CLK2: variants seen among roughly 807,000 people sequenced by gnomAD.
CLK2 encodes dual specificity protein kinase CLK2.
Under a neutral mutation model 73.5 loss-of-function variants are expected in CLK2, and 12 were observed. The observed-to-expected ratio is 0.16, with a 90% CI of 0.10 to 0.26. CLK2 has a LOEUF of 0.26. CLK2 is among the 10% of genes least tolerant of loss of function. The pLI, the probability that CLK2 is intolerant of heterozygous loss-of-function variation, is 1.00. For synonymous variants in CLK2, 232 were observed against 237.9 expected, an observed-to-expected ratio of 0.98 and a Z score of 0.23; for missense variants, 509 against 688.4, an observed-to-expected ratio of 0.74 and a Z score of 2.92.
At chr1:155,267,717 T>C (rs1377730542) in intron 6 of CLK2, among the ~76,000 whole-genome samples, 1 of 152,234 alleles carries the variant, frequency 6.6e-6, no homozygotes, top group African/African-American at 2.4e-5. Flanking sequence ...TTCGATGAGG[T>C]TGATGCTCAG....
Position 155,268,339 on chromosome 1 carries a change from C to G in CLK2, c.508G>C (p.Gly170Arg). Residue 170 changes from glycine to arginine, a missense_variant, in exon 5 of 13, where the codon GGA becomes CGA. Physicochemically the swap from Gly to Arg is moderately radical, Grantham distance 125 (BLOSUM62 -2). This residue lies in a region of CLK2 where 76 missense variants were observed against 126.4 expected (regional missense o/e 0.60). Coordinates refer to ENST00000368361, the MANE Select transcript of CLK2 (RefSeq NM_001294338.2). This position sits in a 1 kb window ranked among gnomAD's most constrained non-coding sequence, Gnocchi z 5.6. ...ACAACTCGGCCGAAGGTCCCCTCTC[C>G]TAAGGTGCTAACGATTTCATCTGAA... ...QERYEIVSTL[G>R]EGTFGRVVQC... The G allele has an allele frequency of 6.2e-7, 1 of 1,614,112 alleles. No individual in the cohort carries two copies. Among genetic ancestry groups the G allele is most frequent in the Non-Finnish European group, 8.5e-7 (1 of 1,180,002 alleles).
chr1:155,262,879 T>G lies in CLK2; in HGVS notation c.*339A>C, dbSNP rs1159255900. On this transcript the variant is annotated 3_prime_UTR_variant, in exon 13 of 13. Transcript: ENST00000368361. ...TCCAACTCCAGGGATGGGGGTCAAA[T>G]GAAGCACGTTATTTTATTTCACAAA... The G allele has an allele frequency of 4.4e-6, 1 of 226,670 alleles. No homozygotes were observed. The highest frequency in any genetic ancestry group is 8.6e-6 in the Non-Finnish European group (1 of 116,798). 14.0% of individuals were successfully genotyped at this position (226,670 alleles called of 1,614,324 possible). A position where few individuals can be genotyped will look rare whatever the true frequency, so the allele number is the denominator to read the frequency against.
intron 1 of CLK2, among the ~76,000 whole-genome samples, chr1:155,272,359 C>G (rs1673553861): frequency 6.6e-6 from 1 of 152,162 alleles, no homozygotes; most frequent in East Asian, 1.9e-4. Context: ...TAGCTGACAG[C>G]TGGCCACCTT....
chr1:155,272,259 G>T (rs1473839437), intron 1 of CLK2, among the ~76,000 whole-genome samples: 2 of 151,950 alleles, frequency 1.3e-5, no homozygotes, highest in Non-Finnish European at 2.9e-5. Flanking sequence ...CAGGTGATCC[G>T]CCCGCCTTGG....
chr1:155,269,720 T>C lies in CLK2; in HGVS notation c.171-4A>G. 3 of 1,613,518 alleles carry C rather than the reference T, an allele frequency of 1.9e-6. No homozygotes were observed. In the South Asian group the frequency reaches 3.3e-5, roughly 18 times the overall value. Reference sequence around the variant, plus strand: ...GGACGAACGATCATCATAACTGCTGTTGGATAACAAATACCAATGAGGTGT... The same window carrying C: ...GGACGAACGATCATCATAACTGCTGCTGGATAACAAATACCAATGAGGTGT... On this transcript the variant is annotated splice_region_variant and splice_polypyrimidine_tract_variant and intron_variant, in intron 2 of 12. Transcript: ENST00000368361.
chr1:155,268,119 C>A lies in CLK2; in HGVS notation c.562G>T (p.Ala188Ser), dbSNP rs770993954. The A allele has an allele frequency of 4.3e-6, 7 of 1,613,876 alleles. 1 individual carries two copies. The South Asian group carries it at 7.7e-5, about 18-fold the overall frequency. ...TTAATGATCTTCAGGGCAACTCGAG[C>A]CCCACCCCTGTAAGTTGGCAGGAGA... ...VQCVDHRRGGARVALKIIKNV... is the reference protein window; with the variant it reads ...VQCVDHRRGGSRVALKIIKNV... Residue 188 changes from alanine to serine, a missense_variant, in exon 6 of 13, where the codon GCT becomes TCT. This residue lies in a region of CLK2 where 76 missense variants were observed against 126.4 expected (regional missense o/e 0.60). Coordinates refer to ENST00000368361, the MANE Select transcript of CLK2 (RefSeq NM_001294338.2). This position sits in a 1 kb window ranked among gnomAD's most constrained non-coding sequence, Gnocchi z 5.6.
At chr1:155,263,453 C>T (rs1572010480) in intron 12 of CLK2, 53 bp from the exon 13 acceptor site, 2 of 1,602,754 alleles carry the variant, frequency 1.2e-6, no homozygotes, top group East Asian at 4.5e-5. Flanking sequence ...CAAACCCTGC[C>T]TTCTTCAAGA....
chr1:155,269,261 G>C, intron 3 of CLK2: 1 of 601,744 alleles, frequency 1.7e-6, no homozygotes, highest in Non-Finnish European at 3.0e-6. Context: ...AGCCCAACAT[G>C]CCAGGGAGAG....
chr1:155,270,203 C>CAA (rs35358437), intron 2 of CLK2, among the ~76,000 whole-genome samples: 8 of 111,628 alleles, frequency 7.2e-5, no homozygotes, highest in South Asian at 5.4e-4. Flanking sequence ...ACTAAAAATA[C>CAA]AAAAAAAAAA....
intron 3 of CLK2, 117 bp downstream of exon 3, chr1:155,269,371 C>T (rs1673385253): frequency 1.9e-5 from 17 of 891,144 alleles, no homozygotes; most frequent in Non-Finnish European, 2.6e-5. Context: ...AAACTCAGTG[C>T]CCACCTCAGT....
In CLK2 at chr1:155,268,404, G is replaced by T; in HGVS notation, c.488-45C>A. The T allele has an allele frequency of 6.5e-7, 1 of 1,549,014 alleles. No homozygotes were observed. Among genetic ancestry groups the T allele is most frequent in the East Asian group, 2.2e-5 (1 of 44,472 alleles). ...GGTCGGGGAGAGGGAGGGAGAGAAG[G>T]TGGGGAATGAGCTGAGTTGGAAGAA... On this transcript the variant is annotated intron_variant, in intron 4 of 12. Coordinates refer to ENST00000368361, the MANE Select transcript of CLK2 (RefSeq NM_001294338.2). The surrounding 1 kb of genome is among the most constrained non-coding windows in gnomAD (Gnocchi z 5.6).
Position 155,262,998 on chromosome 1 carries a change from GTGGAAACTGTGTGGA to G in CLK2, c.*205_*219del, listed in dbSNP as rs533487857. ...ACTCCGTATGAGGGGGCAGGTGAGG[GTGGAAACTGTGTGGA>G]TGGAATAGTATTATGTACAAGGCAG... On this transcript the variant is annotated 3_prime_UTR_variant, in exon 13 of 13. Transcript: ENST00000368361. 537 of 481,208 alleles carry G rather than the reference GTGGAAACTGTGTGGA, an allele frequency of 1.1e-3. 3 individuals are homozygous for G. The highest frequency in any genetic ancestry group is 4.2e-4 in the Non-Finnish European group (117 of 278,832). 29.8% of individuals were successfully genotyped at this position (481,208 alleles called of 1,614,324 possible). A position where few individuals can be genotyped will look rare whatever the true frequency, so the allele number is the denominator to read the frequency against.
At chr1:155,266,200 TAC>T (rs1408473240) in intron 7 of CLK2, among the ~76,000 whole-genome samples, 2 of 152,236 alleles carry the variant, frequency 1.3e-5, no homozygotes, top group African/African-American at 2.4e-5. Context: ...TTGTAGTGTG[TAC>T]ACACTTTGAC....
intron 7 of CLK2, among the ~76,000 whole-genome samples, chr1:155,266,328 T>C (rs903420770): frequency 2.6e-5 from 4 of 152,254 alleles, no homozygotes; most frequent in African/African-American, 7.2e-5. Context: ...CTGAACTACA[T>C]ACTCTGTGTT....
intron 3 of CLK2, 165 bp downstream of exon 3, chr1:155,269,323 G>A: frequency 1.6e-6 from 1 of 644,390 alleles, no homozygotes; most frequent in Non-Finnish European, 2.7e-6. Context: ...GCAGATCCAG[G>A]GCCCTTCAAG....
intron 1 of CLK2, 132 bp downstream of exon 1, chr1:155,273,067 ACT>A (rs1673586934): frequency 6.7e-6 from 1 of 150,166 alleles, no homozygotes; most frequent in South Asian, 2.1e-4. Flanking sequence ...TCATCTCCCT[ACT>A]CCGTCGCTTC....
intron 6 of CLK2, 43 bp downstream of exon 6, chr1:155,267,967 G>A (rs749435095): frequency 7.3e-7 from 1 of 1,374,524 alleles, no homozygotes; most frequent in South Asian, 1.2e-5. Context: ...CCGTGTAGGG[G>A]TTGGGGCTCT....
rs757704895 is a variant in CLK2 at position 155,269,591 on chromosome 1, T to C, written c.296A>G (p.Tyr99Cys). The stretch of plus-strand genomic sequence containing the variant: ...ACTGCTGTTCTCCCGCTGATATTCA[T>C]AGGAATGCCGATAGTCTGTGTCATA... ...AYYDTDYRHSYEYQRENSSYR... is the reference protein window; with the variant it reads ...AYYDTDYRHSCEYQRENSSYR... Residue 99 changes from tyrosine to cysteine, a missense_variant, in exon 3 of 13, where the codon TAT becomes TGT. Tyr to Cys is a radical substitution (Grantham distance 194). Coordinates refer to ENST00000368361, the MANE Select transcript of CLK2 (RefSeq NM_001294338.2). 1.7e-5 allele frequency: 28 copies of C among 1,614,100 alleles called. No homozygotes were observed. Among genetic ancestry groups the C allele is most frequent in the Middle Eastern group, 1.6e-4 (1 of 6,084 alleles).
chr1:155,266,669 CAG>C (rs1279214258), intron 7 of CLK2, 58 bp downstream of exon 7: 19 of 1,564,852 alleles, frequency 1.2e-5, no homozygotes, highest in African/African-American at 6.9e-5. Flanking sequence ...GCACAACCGA[CAG>C]AGAGATCCAA....
Sources: gnomAD v4.1 joint callset for allele counts (sites outside exome capture counted in the v4.1 genomes callset) on GRCh38, gnomAD v4.1.1 for gene constraint, gnomAD v4.1.1 regional missense constraint, Gnocchi (gnomAD v3.1) non-coding constraint, MANE v1.5 for transcripts, NCBI Gene and HGNC (gene_info 2026-07-23, HGNC 2026-07-21) for gene names.